The following ABCB1 variants were observed in gnomAD, a reference collection of about 807,000 sequenced individuals.
The protein encoded by ABCB1 is ATP-dependent translocase ABCB1.
Under a neutral mutation model 142.0 loss-of-function variants are expected in ABCB1, and 69 were observed. The observed-to-expected ratio is 0.49, with a 90% CI of 0.40 to 0.59. ABCB1 has a LOEUF of 0.59. Ranked by LOEUF, ABCB1 falls within the 20% of genes least tolerant of loss-of-function variation. ABCB1 has a pLI of 0.00. For synonymous variants in ABCB1, 532 were observed against 539.2 expected (o/e 0.99, Z 0.18); for missense variants, 1,326 against 1,554.7 (o/e 0.85, Z 2.47).
intron 25 of ABCB1, among the ~76,000 whole-genome samples, chr7:87,512,938 C>T (rs1815081852): frequency 6.6e-6 from 1 of 152,220 alleles, no homozygotes; most frequent in South Asian, 2.1e-4. Flanking sequence ...ACCTTTTATA[C>T]ATCAAGGGAC....
At position 87,566,817 on chromosome 7, in the gene ABCB1, G is replaced by A. The variant is rs772827645; in HGVS notation, c.498C>T (p.His166=). The A allele has an allele frequency of 8.7e-6, 14 of 1,613,910 alleles. No individual in the cohort carries two copies. In the East Asian group the frequency reaches 1.8e-4, roughly 21 times the overall value. ...MRQEIGWFDV[H]DVGELNTRLT... ...GTCGGGTGTTAAGCTCCCCAACATC[G>A]TGCACATCAAACCAGCCTATCTCCT... The change falls in exon 6 of 28, where the codon CAC becomes CAT. Residue 166 remains histidine (H), a synonymous_variant. Coordinates refer to ENST00000622132, the MANE Select transcript of ABCB1 (RefSeq NM_001348946.2).
chr7:87,642,182 C>CAT (rs992802233), intron 1 of ABCB1, among the ~76,000 whole-genome samples: 6 of 151,632 alleles, frequency 4.0e-5, no homozygotes, highest in Admixed American at 6.6e-5. Context: ...GGTTTCAAAA[C>CAT]ATATATATAT....
upstream of ABCB1, among the ~76,000 whole-genome samples, chr7:87,605,518 T>C (rs1400800148): frequency 1.3e-5 from 2 of 152,154 alleles, no homozygotes; most frequent in African/African-American, 4.8e-5. Context: ...AAAATAAATC[T>C]ACCATAATAG....
At chr7:87,700,688 A>G (rs1014479258) in intron 1 of ABCB1, 3 of 752,550 alleles carry the variant, frequency 4.0e-6, no homozygotes, top group Non-Finnish European at 6.2e-6. Flanking sequence ...CTGTTCTGTG[A>G]TGTTTCTACA....
chr7:87,623,702 T>C (rs1436845456), intron 1 of ABCB1, among the ~76,000 whole-genome samples: 4 of 152,210 alleles, frequency 2.6e-5, no homozygotes, highest in Admixed American at 2.6e-4. Context: ...TGGACTTTTT[T>C]TTTTTAAAGC....
intron 5 of ABCB1, among the ~76,000 whole-genome samples, chr7:87,569,812 C>T (rs911667059): frequency 6.6e-5 from 10 of 152,078 alleles, no homozygotes; most frequent in African/African-American, 2.4e-4. Flanking sequence ...ATCAGCCTCC[C>T]AAGTAGCTAG....
At chr7:87,710,267 A>T (rs1829952127) in intron 1 of ABCB1, among the ~76,000 whole-genome samples, 1 of 152,188 alleles carries the variant, frequency 6.6e-6, no homozygotes, top group Non-Finnish European at 1.5e-5. Context: ...GTTATATCTT[A>T]TATAATTACA....
chr7:87,619,741 AAC>A (rs764976168), intron 1 of ABCB1, among the ~76,000 whole-genome samples: 3 of 148,226 alleles, frequency 2.0e-5, no homozygotes, highest in Non-Finnish European at 4.4e-5. Context: ...CACACACACA[AAC>A]ACATGTGTGT....
intron 5 of ABCB1, among the ~76,000 whole-genome samples, chr7:87,569,773 G>C (rs781407246): frequency 6.6e-6 from 1 of 151,980 alleles, no homozygotes; most frequent in Non-Finnish European, 1.5e-5. Flanking sequence ...CTGCAGCTTT[G>C]AACTCCTGGG....
intron 1 of ABCB1, among the ~76,000 whole-genome samples, chr7:87,700,867 C>G (rs185679469): frequency 4.6e-5 from 7 of 152,286 alleles, no homozygotes; most frequent in African/African-American, 1.7e-4. Context: ...AATGCAGACA[C>G]AATGGTGGAT....
intron 1 of ABCB1, among the ~76,000 whole-genome samples, chr7:87,636,573 C>T (rs1821797367): frequency 6.6e-6 from 1 of 151,962 alleles, no homozygotes; most frequent in Non-Finnish European, 1.5e-5. Context: ...GTAAAATGGC[C>T]CATAAATTTC....
chr7:87,519,149 C>T (rs1815375994), intron 23 of ABCB1, among the ~76,000 whole-genome samples, 177 bp downstream of exon 23: 2 of 152,212 alleles, frequency 1.3e-5, no homozygotes, highest in African/African-American at 4.8e-5. Context: ...ACTGCTCCTC[C>T]AAATGAAAGG....
chr7:87,584,458 A>T (rs1450730198), intron 4 of ABCB1, among the ~76,000 whole-genome samples: 1 of 152,192 alleles, frequency 6.6e-6, no homozygotes, highest in Non-Finnish European at 1.5e-5. Context: ...GTTTTTGAGT[A>T]GCTCAGTTTA....
chr7:87,660,903 A>G (rs187340135), intron 1 of ABCB1, among the ~76,000 whole-genome samples: 1 of 152,094 alleles, frequency 6.6e-6, no homozygotes, highest in East Asian at 1.9e-4. Flanking sequence ...TAATTGAGTT[A>G]TAGTCAGAAT....
At chr7:87,573,180 G>T (rs982702930) in intron 4 of ABCB1, among the ~76,000 whole-genome samples, 1 of 152,196 alleles carries the variant, frequency 6.6e-6, no homozygotes, top group African/African-American at 2.4e-5. Flanking sequence ...CATGACGACA[G>T]TCAAGAGGGC....
At chr7:87,591,145 T>C (rs1437040947) in intron 3 of ABCB1, among the ~76,000 whole-genome samples, 2 of 151,908 alleles carry the variant, frequency 1.3e-5, no homozygotes, top group African/African-American at 4.8e-5. Context: ...CAGTAGGAGA[T>C]GTGATGATTG....
intron 1 of ABCB1, among the ~76,000 whole-genome samples, chr7:87,621,779 T>C (rs915061511): frequency 6.6e-6 from 1 of 152,126 alleles, no homozygotes; most frequent in African/African-American, 2.4e-5. Context: ...TCTGGAGACC[T>C]ATCCAAAAAA....
At chr7:87,687,716 C>T (rs950743936) in intron 1 of ABCB1, among the ~76,000 whole-genome samples, 2 of 152,220 alleles carry the variant, frequency 1.3e-5, no homozygotes, top group Non-Finnish European at 2.9e-5. Context: ...GTTAGAACTC[C>T]TGTGACTTGA....
intron 1 of ABCB1, among the ~76,000 whole-genome samples, chr7:87,695,437 A>C (rs1178263557): frequency 6.6e-6 from 1 of 152,122 alleles, no homozygotes; most frequent in Non-Finnish European, 1.5e-5. Flanking sequence ...GAACTCCACA[A>C]GTTTTTTAAA....
Sources: allele counts gnomAD v4.1 joint callset (sites outside exome capture counted in the v4.1 genomes callset), GRCh38; gene constraint gnomAD v4.1.1; transcripts MANE v1.5; gene names NCBI Gene and HGNC (gene_info 2026-07-23, HGNC 2026-07-21).